Variants in SLAMF1 observed in about 807,000 individuals in gnomAD.
The protein encoded by SLAMF1 is signaling lymphocytic activation molecule.
SLAMF1 carries 18 observed loss-of-function variants against 35.1 expected under a neutral mutation model. The observed-to-expected ratio is 0.51, with a 90% CI of 0.35 to 0.76. SLAMF1 has a LOEUF of 0.76. SLAMF1 is among the 30% of genes least tolerant of loss of function. The probability of loss-of-function intolerance (pLI) is 0.01; values close to 1 mark genes in which losing one functional copy is unlikely to be tolerated. For missense variants in SLAMF1, 392 were observed against 413.0 expected, an observed-to-expected ratio of 0.95 and a Z score of 0.44; for synonymous variants, 168 against 157.2, an observed-to-expected ratio of 1.07 and a Z score of -0.51.
At chr1:160,646,455 C>T (rs1203102152) in intron 1 of SLAMF1, among the ~76,000 whole-genome samples, 1 of 152,222 alleles carries the variant, frequency 6.6e-6, no homozygotes, top group Non-Finnish European at 1.5e-5. Context: ...CACAGATTCC[C>T]TCCCAGGGCA....
In SLAMF1 at chr1:160,610,528, C is replaced by A; in HGVS notation, c.*220G>T. On this transcript the variant is annotated 3_prime_UTR_variant, in exon 7 of 7. Transcript: ENST00000302035. ...TGTTATCAAGTAACGCTCTGTTCTG[C>A]GCCTGCAGCCACTGCACAGCAAGCT... is the stretch of plus-strand genomic sequence containing the variant. The A allele has an allele frequency of 1.7e-6, 1 of 576,452 alleles. No individual in the cohort carries two copies. Among genetic ancestry groups the A allele is most frequent in the Admixed American group, 2.8e-5 (1 of 35,560 alleles). The allele number at this position is 576,452 out of a possible 1,614,324, so 35.7% of individuals were successfully genotyped here.
rs539761539 is a variant in SLAMF1 at position 160,642,665 on chromosome 1, C to T, written c.76+4205G>A. 6.6e-6 allele frequency among the ~76,000 whole-genome samples: 1 copy of T among 152,272 alleles called. No individual in the cohort carries two copies. Among genetic ancestry groups the T allele is most frequent in the South Asian group, 2.1e-4 (1 of 4,814 alleles). Reference sequence around the variant, plus strand: ...ATGACAACACAGAGTCCAAGTTCTCCTCCCTCCAAAAGCAGAATGTACTCT... The same window carrying T: ...ATGACAACACAGAGTCCAAGTTCTCTTCCCTCCAAAAGCAGAATGTACTCT... On this transcript the variant is annotated intron_variant, in intron 1 of 6. Coordinates refer to ENST00000302035, the MANE Select transcript of SLAMF1 (RefSeq NM_003037.5). The surrounding 1 kb of genome is among the most constrained non-coding windows in gnomAD (Gnocchi z 4.2).
intron 1 of SLAMF1, among the ~76,000 whole-genome samples, chr1:160,644,837 G>A (rs1660948412): frequency 6.6e-6 from 1 of 152,160 alleles, no homozygotes; most frequent in African/African-American, 2.4e-5. Context: ...GCCAAGTCTA[G>A]AACCCACGCA....
intron 5 of SLAMF1, among the ~76,000 whole-genome samples, chr1:160,617,405 A>C (rs764562265): frequency 2.6e-5 from 4 of 152,182 alleles, no homozygotes; most frequent in Non-Finnish European, 5.9e-5. Flanking sequence ...TAATAGCCTC[A>C]AACTGGAAAT....
At chr1:160,631,707 G>T (rs528822219) in intron 3 of SLAMF1, among the ~76,000 whole-genome samples, 2,390 of 152,182 alleles carry the variant, frequency 0.016, 51 homozygotes, top group African/African-American at 0.054. Flanking sequence ...GTACACGAAG[G>T]AAAGACCAGG....
chr1:160,620,011 T>A (rs1359478020), intron 4 of SLAMF1, among the ~76,000 whole-genome samples, 162 bp from the exon 5 acceptor site: 4 of 152,164 alleles, frequency 2.6e-5, no homozygotes, highest in Non-Finnish European at 4.4e-5. Flanking sequence ...CATATTGTCT[T>A]AGGTTAGTTA....
In SLAMF1 at chr1:160,619,776, A is replaced by G. The variant is rs1265919828; in HGVS notation, c.864T>C (p.Gly288=). 2 of 1,593,070 alleles carry G rather than the reference A, an allele frequency of 1.3e-6. No homozygotes were observed. Among genetic ancestry groups the G allele is most frequent in the East Asian group, 2.2e-5 (1 of 44,760 alleles). The stretch of plus-strand genomic sequence containing the variant: ...ATCTCAAACAAAATATAGAACTTAC[A>G]CCTGGTTTCTGGACTTGGGCATAGA... ...LTIYAQVQKP[G]PLQKKLDSFP... The change falls in exon 5 of 7, where the codon GGT becomes GGC. Residue 288 remains glycine (G), a splice_region_variant and synonymous_variant. Transcript: ENST00000302035.
At chr1:160,635,745 T>TC (rs1198976232) in intron 2 of SLAMF1, among the ~76,000 whole-genome samples, 1 of 150,972 alleles carries the variant, frequency 6.6e-6, no homozygotes, top group Non-Finnish European at 1.5e-5. Flanking sequence ...CTAATTTTTT[T>TC]TTTTTTTGTA....
intron 1 of SLAMF1, among the ~76,000 whole-genome samples, chr1:160,643,775 AT>A (rs1156778449): frequency 6.6e-6 from 1 of 152,206 alleles, no homozygotes; most frequent in Non-Finnish European, 1.5e-5. Flanking sequence ...CATTTGAATT[AT>A]TCTCTTCCAG....
At chr1:160,631,077 A>G (rs1035911520) in intron 3 of SLAMF1, among the ~76,000 whole-genome samples, 4 of 152,150 alleles carry the variant, frequency 2.6e-5, no homozygotes, top group Non-Finnish European at 5.9e-5. Flanking sequence ...GGCAAGGATC[A>G]TGTCTTTTTT....
chr1:160,623,555 C>T (rs1049907459), intron 4 of SLAMF1: 2 of 398,788 alleles, frequency 5.0e-6, no homozygotes, highest in African/African-American at 4.1e-5. Flanking sequence ...GACATTTTGA[C>T]TCCAGTATTG....
intron 5 of SLAMF1, among the ~76,000 whole-genome samples, chr1:160,618,371 T>C (rs576072420): frequency 6.6e-6 from 1 of 151,558 alleles, no homozygotes; most frequent in African/African-American, 2.4e-5. Flanking sequence ...TACTGAGGAG[T>C]GGGTATGCAT....
intron 5 of SLAMF1, among the ~76,000 whole-genome samples, chr1:160,613,840 A>G (rs765794512): frequency 2.0e-5 from 3 of 152,278 alleles, no homozygotes; most frequent in African/African-American, 4.8e-5. Context: ...TTGATTCAAT[A>G]TAATGAAGAT....
rs896359511 is a variant in SLAMF1 at position 160,608,999 on chromosome 1, A to G, written c.*1749T>C. ...CATGTGACCTAGGATTGGCCACTCA[A>G]TCCCAGACTTTGAATTATAAGCTAG... On this transcript the variant is annotated 3_prime_UTR_variant, in exon 7 of 7. Transcript: ENST00000302035. 2 of 152,342 alleles carry G rather than the reference A, an allele frequency of 1.3e-5. No homozygotes were observed. Among genetic ancestry groups the G allele is most frequent in the African/African-American group, 4.8e-5 (2 of 41,566 alleles). The allele number at this position is 152,342 out of a possible 1,614,324, so 9.4% of individuals were successfully genotyped here.
chr1:160,641,244 C>T (rs759553361), intron 1 of SLAMF1, among the ~76,000 whole-genome samples: 7 of 151,884 alleles, frequency 4.6e-5, no homozygotes, highest in Non-Finnish European at 2.9e-5. Context: ...AAATTGCTAG[C>T]GTAGTGTTGA....
intron 5 of SLAMF1, among the ~76,000 whole-genome samples, chr1:160,613,279 G>A (rs1424893249): frequency 6.6e-6 from 1 of 152,034 alleles, no homozygotes; most frequent in Non-Finnish European, 1.5e-5. Flanking sequence ...TACACTTTAT[G>A]GCACTCTATG....
In SLAMF1 at chr1:160,610,655, C is replaced by T. The variant is rs41266921; in HGVS notation, c.*93G>A. ...AGAAGGGTACAGACGTGCAGCATGTCTGCCAGAGGAAACTTGGGGCCTGTG... is the reference window on the plus strand; with the variant it reads ...AGAAGGGTACAGACGTGCAGCATGTTTGCCAGAGGAAACTTGGGGCCTGTG... On this transcript the variant is annotated 3_prime_UTR_variant, in exon 7 of 7. Transcript: ENST00000302035. 0.013 allele frequency: 11,185 copies of T among 846,884 alleles called. 101 individuals are homozygous for T. The highest frequency in any genetic ancestry group is 0.023 in the East Asian group (955 of 41,404). The allele number at this position is 846,884 out of a possible 1,614,324, so 52.5% of individuals were successfully genotyped here. A position where few individuals can be genotyped will look rare whatever the true frequency, so the allele number is the denominator to read the frequency against.
rs1659608494 is a variant in SLAMF1 at position 160,621,540 on chromosome 1, CAG to C, written c.791-1693_791-1692del. On this transcript the variant is annotated intron_variant, in intron 4 of 6. Coordinates refer to ENST00000302035, the MANE Select transcript of SLAMF1 (RefSeq NM_003037.5). ...TGCCATTGCACTCCAGCCTGAGTGA[CAG>C]AGCAAGAATCTATCTCAAAAAAAAA... Among the ~76,000 whole-genome samples, 5 of 111,392 alleles carry C rather than the reference CAG, an allele frequency of 4.5e-5. No individual in the cohort carries two copies. The South Asian group carries it at 1.5e-3, about 34-fold the overall frequency. 73.1% of individuals were successfully genotyped at this position (111,392 alleles called of 152,430 possible). A position where few individuals can be genotyped will look rare whatever the true frequency, so the allele number is the denominator to read the frequency against.
intron 4 of SLAMF1, chr1:160,623,539 G>A (rs1400156934): frequency 5.0e-6 from 2 of 398,604 alleles, no homozygotes; most frequent in Admixed American, 4.4e-5. Flanking sequence ...CCTGGTCTTG[G>A]GTCAGGACAT....
Sources: allele counts gnomAD v4.1 joint callset (sites outside exome capture counted in the v4.1 genomes callset), GRCh38; gene constraint gnomAD v4.1.1; non-coding constraint Gnocchi (gnomAD v3.1); transcripts MANE v1.5; gene names NCBI Gene and HGNC (gene_info 2026-07-23, HGNC 2026-07-21).